RGS7: variants seen among roughly 807,000 people sequenced by gnomAD.
The protein encoded by RGS7 is regulator of G-protein signaling 7.
A neutral mutation model predicts 81.1 loss-of-function variants in RGS7; 27 were observed. That is an observed-to-expected ratio of 0.33 (90% CI 0.25 to 0.46). RGS7 has a LOEUF of 0.46. RGS7 is among the 20% of genes least tolerant of loss of function. The pLI is 1.00. For synonymous variants in RGS7, 208 were observed against 207.7 expected (o/e 1.00, Z -0.01); for missense variants, 396 against 607.4 (o/e 0.65, Z 3.66).
chr1:240,980,161 A>C (rs963023957), intron 4 of RGS7, among the ~76,000 whole-genome samples: 1 of 152,210 alleles, frequency 6.6e-6, no homozygotes, highest in Admixed American at 6.5e-5. Flanking sequence ...ATCTCTGATA[A>C]AATATTCAGC....
intron 3 of RGS7, among the ~76,000 whole-genome samples, chr1:241,077,596 G>A (rs1245344061): frequency 6.6e-6 from 1 of 152,136 alleles, no homozygotes; most frequent in African/African-American, 2.4e-5. Context: ...AAGCCACAGG[G>A]ACCAGCGATA....
chr1:241,247,504 A>G (rs182502170), intron 2 of RGS7, among the ~76,000 whole-genome samples: 20 of 152,308 alleles, frequency 1.3e-4, no homozygotes, highest in African/African-American at 4.6e-4. Flanking sequence ...ACAGGTTGAA[A>G]GAGATGGTTG....
At chr1:241,045,150 T>C (rs1432405035) in intron 3 of RGS7, among the ~76,000 whole-genome samples, 1 of 152,202 alleles carries the variant, frequency 6.6e-6, no homozygotes, top group Non-Finnish European at 1.5e-5. Context: ...GTAGATGATA[T>C]ACCTTAAATT....
intron 2 of RGS7, among the ~76,000 whole-genome samples, chr1:241,113,856 A>G (rs1013590677): frequency 1.3e-5 from 2 of 152,226 alleles, no homozygotes; most frequent in Non-Finnish European, 2.9e-5. Context: ...ACACTTGGAA[A>G]TGAGGTGTCT....
intron 4 of RGS7, among the ~76,000 whole-genome samples, chr1:240,956,046 C>T (rs548381473): frequency 3.3e-5 from 5 of 152,152 alleles, no homozygotes; most frequent in Admixed American, 3.3e-4. Context: ...AGAGATAGCA[C>T]TAAAATTTAG....
chr1:241,201,967 T>C (rs945918169), intron 2 of RGS7, among the ~76,000 whole-genome samples: 2 of 150,168 alleles, frequency 1.3e-5, no homozygotes, highest in African/African-American at 5.0e-5. Flanking sequence ...GAATAATCTA[T>C]TTCAGCCCAC....
At chr1:240,778,195 C>T (rs550015334) in intron 18 of RGS7, among the ~76,000 whole-genome samples, 2 of 152,180 alleles carry the variant, frequency 1.3e-5, no homozygotes, top group South Asian at 2.1e-4. Context: ...AATACCATCA[C>T]CTTCATGATC....
In RGS7 at chr1:240,967,568, T is replaced by TGG. The variant is rs543910244; in HGVS notation, c.226+15509_226+15510dup. Reference sequence around the variant, plus strand: ...GGGTCAAAGTGATTGTGCCAAGAAGTGGGGGGGGGGGGGAAAAGGCTGTAG... The same window carrying TGG: ...GGGTCAAAGTGATTGTGCCAAGAAGTGGGGGGGGGGGGGGGAAAAGGCTGTAG... On this transcript the variant is annotated intron_variant, in intron 4 of 18. Coordinates refer to ENST00000440928, the MANE Select transcript of RGS7 (RefSeq NM_001364886.1). 3.2e-3 allele frequency among the ~76,000 whole-genome samples: 174 copies of TGG among 53,972 alleles called. 1 individual carries two copies. Among genetic ancestry groups the TGG allele is most frequent in the African/African-American group, 8.5e-3 (122 of 14,358 alleles). 35.4% of individuals were successfully genotyped at this position (53,972 alleles called of 152,430 possible).
chr1:241,322,413 T>A (rs984839925), intron 2 of RGS7, among the ~76,000 whole-genome samples: 4 of 152,244 alleles, frequency 2.6e-5, no homozygotes, highest in Non-Finnish European at 5.9e-5. Context: ...ATTGGTTGAC[T>A]ATATATTCAC....
chr1:240,870,923 G>T (rs1664377389), intron 6 of RGS7, among the ~76,000 whole-genome samples: 1 of 152,158 alleles, frequency 6.6e-6, no homozygotes, highest in Non-Finnish European at 1.5e-5. Context: ...ACTAGGAGAA[G>T]GGTATCACAT....
At chr1:240,888,942 A>C (rs1251710043) in intron 6 of RGS7, among the ~76,000 whole-genome samples, 1 of 151,978 alleles carries the variant, frequency 6.6e-6, no homozygotes, top group Non-Finnish European at 1.5e-5. Flanking sequence ...CTCAATGAAG[A>C]AAGAGGTAAC....
chr1:241,091,870 G>C (rs896135109), intron 3 of RGS7, among the ~76,000 whole-genome samples: 3 of 152,036 alleles, frequency 2.0e-5, no homozygotes, highest in Non-Finnish European at 2.9e-5. Context: ...CTGAATGACA[G>C]AATGAGACTC....
Position 240,814,191 on chromosome 1 carries a change from G to A in RGS7, c.846-463C>T, listed in dbSNP as rs141791250. Among the ~76,000 whole-genome samples, 432 of 152,336 alleles carry A rather than the reference G, an allele frequency of 2.8e-3. 2 individuals are homozygous for A. Among genetic ancestry groups the A allele is most frequent in the Non-Finnish European group, 4.5e-3 (305 of 68,032 alleles). On this transcript the variant is annotated intron_variant, in intron 12 of 18. Transcript: ENST00000440928. ...AATGTATATAAAAATTTTAAAAAGG[G>A]AGAAGGGAAAGAAGTTGGGGAGGTA...
intron 3 of RGS7, chr1:240,998,479 A>G (rs1389112348): frequency 4.9e-6 from 5 of 1,013,952 alleles, no homozygotes; most frequent in South Asian, 1.3e-5. Flanking sequence ...TGTCACCATC[A>G]GACTTCTCGG....
chr1:240,864,282 C>G (rs1235525508), intron 9 of RGS7, among the ~76,000 whole-genome samples: 1 of 152,100 alleles, frequency 6.6e-6, no homozygotes, highest in Non-Finnish European at 1.5e-5. Flanking sequence ...ACATGTATCC[C>G]ATGATCCATG....
intron 2 of RGS7, among the ~76,000 whole-genome samples, chr1:241,134,242 A>G (rs2067325059): frequency 6.6e-6 from 1 of 152,214 alleles, no homozygotes; most frequent in Non-Finnish European, 1.5e-5. Context: ...CCTCACAGCA[A>G]GATCTGTCGG....
chr1:240,952,051 G>T (rs184068479), intron 4 of RGS7, among the ~76,000 whole-genome samples: 29 of 152,204 alleles, frequency 1.9e-4, no homozygotes, highest in Admixed American at 1.7e-3. Flanking sequence ...CCCTTCAAAA[G>T]TAGAGGAGAA....
chr1:240,946,209 A>G (rs183280237), intron 4 of RGS7, among the ~76,000 whole-genome samples: 2 of 151,766 alleles, frequency 1.3e-5, no homozygotes, highest in Admixed American at 1.3e-4. Flanking sequence ...AGTATTAACA[A>G]CTCCCCTCAA....
At chr1:241,124,266 AC>A (rs137970909) in intron 2 of RGS7, among the ~76,000 whole-genome samples, 4,097 of 151,948 alleles carry the variant, frequency 0.027, 196 homozygotes, top group African/African-American at 0.094. Context: ...ATAGTGCTGC[AC>A]GCCTATAGTC....
Sources: allele counts gnomAD v4.1 joint callset (sites outside exome capture counted in the v4.1 genomes callset), GRCh38; gene constraint gnomAD v4.1.1; transcripts MANE v1.5; gene names NCBI Gene and HGNC (gene_info 2026-07-23, HGNC 2026-07-21).